MAP4: variants seen among roughly 807,000 people sequenced by gnomAD.
MAP4 encodes microtubule associated protein 4.
Under a neutral mutation model 170.2 loss-of-function variants are expected in MAP4, and 76 were observed. The observed-to-expected ratio is 0.45, with a 90% CI of 0.37 to 0.54. The LOEUF is 0.54. Among genes scored for constraint, MAP4 ranks in the 20% least tolerant of loss-of-function variants. MAP4 has a pLI of 0.00. For missense variants in MAP4, 2,506 were observed against 2,748.0 expected (o/e 0.91, Z 1.97); for synonymous variants, 909 against 994.5 (o/e 0.91, Z 1.62).
chr3:48,011,621 G>A (rs1186894011), intron 1 of MAP4, among the ~76,000 whole-genome samples: 2 of 151,896 alleles, frequency 1.3e-5, no homozygotes, highest in African/African-American at 4.8e-5. Flanking sequence ...AGACGAATGT[G>A]GGTGGGAAGC....
chr3:47,892,962 A>C, intron 10 of MAP4: 6 of 846,750 alleles, frequency 7.1e-6, no homozygotes, highest in South Asian at 5.5e-5. Context: ...ACCGAGACTC[A>C]TTTGCCAATC....
chr3:47,953,436 T>C (rs1402515069), intron 3 of MAP4, among the ~76,000 whole-genome samples: 1 of 152,020 alleles, frequency 6.6e-6, no homozygotes, highest in Non-Finnish European at 1.5e-5. Context: ...GAAGGAGGAC[T>C]ACTTGAGCCT....
intron 1 of MAP4, among the ~76,000 whole-genome samples, chr3:48,030,378 AAG>A (rs1273088816): frequency 1.3e-5 from 2 of 152,094 alleles, no homozygotes; most frequent in African/African-American, 4.8e-5. Context: ...TAAAGAAACC[AAG>A]ACTCTTTGGA....
chr3:47,915,242 G>A (rs1232701451), intron 7 of MAP4, among the ~76,000 whole-genome samples: 8 of 151,476 alleles, frequency 5.3e-5, no homozygotes, highest in African/African-American at 1.5e-4. Flanking sequence ...TCAGCCTCCC[G>A]AGTAGCTGGG....
chr3:47,925,947 C>T (rs1194136087), intron 4 of MAP4, among the ~76,000 whole-genome samples: 1 of 152,086 alleles, frequency 6.6e-6, no homozygotes, highest in Non-Finnish European at 1.5e-5. Context: ...CTCTGCCTCC[C>T]GGGCTCAAGT....
chr3:47,907,055 G>A (rs1360500214), intron 9 of MAP4, among the ~76,000 whole-genome samples: 2 of 152,122 alleles, frequency 1.3e-5, no homozygotes, highest in Non-Finnish European at 2.9e-5. Flanking sequence ...GGCTGGTCTC[G>A]AACTCCTGAC....
In MAP4 at chr3:47,913,167, A is replaced by AAG. The variant is rs1415310611; in HGVS notation, c.2000-748_2000-747dup. ...TAACAATTAAGATGAGTACCTTTGGAAGAGTTTCAGCAGGTGATCTGGTCT... is the reference window on the plus strand; with the variant it reads ...TAACAATTAAGATGAGTACCTTTGGAAGAGAGTTTCAGCAGGTGATCTGGTCT... On this transcript the variant is annotated intron_variant, in intron 8 of 20. Coordinates refer to ENST00000683076, the MANE Select transcript of MAP4 (RefSeq NM_001385682.1). 3.3e-5 allele frequency among the ~76,000 whole-genome samples: 5 copies of AAG among 152,212 alleles called. 1 individual carries two copies. The highest frequency in any genetic ancestry group is 7.3e-5 in the Non-Finnish European group (5 of 68,042).
chr3:47,898,685 G>A (rs575019442), intron 10 of MAP4, among the ~76,000 whole-genome samples: 10 of 152,204 alleles, frequency 6.6e-5, no homozygotes, highest in African/African-American at 1.9e-4. Flanking sequence ...AGTAGCCCAC[G>A]CCTGTAACAC....
chr3:47,857,599 T>TAAATAAA, intron 17 of MAP4, 87 bp from the exon 18 acceptor site: 1 of 895,932 alleles, frequency 1.1e-6, no homozygotes. Flanking sequence ...CTTCTCCATG[T>TAAATAAA]TCAGGGTTTC....
intron 3 of MAP4, among the ~76,000 whole-genome samples, chr3:47,965,646 T>C (rs888874309): frequency 3.9e-5 from 6 of 152,248 alleles, no homozygotes; most frequent in African/African-American, 1.2e-4. Flanking sequence ...ATTTCTCTAA[T>C]GATTAATGAT....
At chr3:48,068,643 G>A (rs2100139504) in intron 1 of MAP4, among the ~76,000 whole-genome samples, 1 of 152,182 alleles carries the variant, frequency 6.6e-6, no homozygotes, top group Admixed American at 6.5e-5. Flanking sequence ...AATTAGCCAG[G>A]TGTGGTGGCA....
chr3:48,040,073 C>A (rs891438418), intron 1 of MAP4, among the ~76,000 whole-genome samples: 44 of 152,106 alleles, frequency 2.9e-4, no homozygotes, highest in African/African-American at 1.0e-3. Flanking sequence ...ATGCAGTCAT[C>A]AGTTTGGAAT....
Position 47,890,521 on chromosome 3 carries a change from C to T in MAP4, c.5434+12429G>A, listed in dbSNP as rs543564707. Reference sequence around the variant, plus strand: ...AAGCAAAAACAGAAAACAGAGCTTCCACCCAGATTGTGCAACTTAATGAGA... The same window carrying T: ...AAGCAAAAACAGAAAACAGAGCTTCTACCCAGATTGTGCAACTTAATGAGA... On this transcript the variant is annotated intron_variant, in intron 10 of 20. Coordinates refer to ENST00000683076, the MANE Select transcript of MAP4 (RefSeq NM_001385682.1). Among the ~76,000 whole-genome samples the T allele has an allele frequency of 1.2e-4, 19 of 152,242 alleles. No individual in the cohort carries two copies. The South Asian group carries it at 3.5e-3, about 28-fold the overall frequency.
intron 2 of MAP4, among the ~76,000 whole-genome samples, chr3:47,986,920 A>G (rs1187116272): frequency 6.6e-6 from 1 of 152,346 alleles, no homozygotes; most frequent in South Asian, 2.1e-4. Flanking sequence ...ATTGTTTGTT[A>G]GTCTGTACAT....
chr3:47,996,353 AGATTAAGCACAG>A (rs962088172), intron 2 of MAP4, among the ~76,000 whole-genome samples: 5 of 152,208 alleles, frequency 3.3e-5, no homozygotes, highest in Non-Finnish European at 7.3e-5. Flanking sequence ...CCAAACCGTG[AGATTAAGCACAG>A]GATTAAGCAC....
intron 17 of MAP4, among the ~76,000 whole-genome samples, chr3:47,861,718 G>C (rs2066402075): frequency 6.6e-6 from 1 of 152,044 alleles, no homozygotes; most frequent in Non-Finnish European, 1.5e-5. Flanking sequence ...AGTTAGCAGG[G>C]CATGGTGGTG....
chr3:48,054,870 G>A (rs918925491), intron 1 of MAP4, among the ~76,000 whole-genome samples: 2 of 150,702 alleles, frequency 1.3e-5, no homozygotes, highest in Non-Finnish European at 1.5e-5. Flanking sequence ...AAAAGACCAA[G>A]AAAGTAGCAG....
At chr3:48,083,780 G>A (rs1289910569) in intron 1 of MAP4, among the ~76,000 whole-genome samples, 1 of 151,172 alleles carries the variant, frequency 6.6e-6, no homozygotes, top group African/African-American at 2.4e-5. Flanking sequence ...AGGCTGGAGT[G>A]CAGTGGCGTG....
intron 1 of MAP4, among the ~76,000 whole-genome samples, chr3:48,086,459 C>T (rs1465712956): frequency 6.6e-6 from 1 of 151,990 alleles, no homozygotes; most frequent in Non-Finnish European, 1.5e-5. Flanking sequence ...TCCAACGTGG[C>T]GAAACCCCGT....
Sources: gnomAD v4.1 joint callset for allele counts (sites outside exome capture counted in the v4.1 genomes callset) on GRCh38, gnomAD v4.1.1 for gene constraint, MANE v1.5 for transcripts, NCBI Gene and HGNC (gene_info 2026-07-23, HGNC 2026-07-21) for gene names.